Variants in PRKAG2 observed in about 807,000 individuals in gnomAD.
PRKAG2 encodes 5'-AMP-activated protein kinase subunit gamma-2.
Under a neutral mutation model 69.6 loss-of-function variants are expected in PRKAG2, and 26 were observed. The ratio of observed to expected loss-of-function variants is 0.37; its 90% CI spans 0.27 to 0.52. PRKAG2 has a LOEUF of 0.52. Among genes scored for constraint, PRKAG2 ranks in the 20% least tolerant of loss-of-function variants. PRKAG2 has a pLI of 0.90. For synonymous variants in PRKAG2, 293 were observed against 285.0 expected (o/e 1.03, Z -0.28); for missense variants, 557 against 740.0 (o/e 0.75, Z 2.87).
At chr7:151,594,237 C>T (rs1001563982) in intron 6 of PRKAG2, among the ~76,000 whole-genome samples, 1 of 152,248 alleles carries the variant, frequency 6.6e-6, no homozygotes, top group Non-Finnish European at 1.5e-5. Flanking sequence ...TCCCTTCATG[C>T]TTCCTCCTGG....
chr7:151,632,195 G>C lies in PRKAG2; in HGVS notation c.685-57C>G. On this transcript the variant is annotated intron_variant, in intron 4 of 15. Transcript: ENST00000287878. The surrounding 1 kb of genome is among the most constrained non-coding windows in gnomAD (Gnocchi z 4.2). Reference sequence around the variant, plus strand: ...TGAGCTGCGACGCTCGTCCCCGGCCGGCGGGCTCGCGGCCGGCCGAGCGCT... The same window carrying C: ...TGAGCTGCGACGCTCGTCCCCGGCCCGCGGGCTCGCGGCCGGCCGAGCGCT... The C allele has an allele frequency of 8.4e-7, 1 of 1,196,884 alleles. No individual in the cohort carries two copies. Among genetic ancestry groups the C allele is most frequent in the East Asian group, 3.9e-5 (1 of 25,800 alleles). 74.1% of individuals were successfully genotyped at this position (1,196,884 alleles called of 1,614,324 possible).
chr7:151,730,859 G>A (rs1282998854), intron 3 of PRKAG2, among the ~76,000 whole-genome samples: 1 of 152,186 alleles, frequency 6.6e-6, no homozygotes, highest in Non-Finnish European at 1.5e-5. Context: ...GCAAGAAGCC[G>A]TTGCGTAGTC....
rs574364531 is a variant in PRKAG2, at chr7:151,723,696, A to G, written c.467-48059T>C. ...CCCCTGTGATTTCCAACCTACAGGG[A>G]GCTCTTCAAGGGCGCTGGGCTCCCT... On this transcript the variant is annotated intron_variant, in intron 3 of 15. Transcript: ENST00000287878. 5.3e-5 allele frequency among the ~76,000 whole-genome samples: 8 copies of G among 152,244 alleles called. No individual in the cohort carries two copies. In the East Asian group the frequency reaches 1.5e-3, roughly 29 times the overall value.
chr7:151,631,943 G>A (rs1382222492), intron 5 of PRKAG2, 126 bp downstream of exon 5: 3 of 990,496 alleles, frequency 3.0e-6, no homozygotes, highest in East Asian at 1.1e-4. Context: ...CGGCCCCTGG[G>A]CTTCCGCAGG....
chr7:151,688,060 T>C (rs866884422), intron 3 of PRKAG2, among the ~76,000 whole-genome samples: 3 of 100,164 alleles, frequency 3.0e-5, no homozygotes, highest in Admixed American at 1.1e-4. Context: ...CCGGGCTCCT[T>C]GCTGAGTCAG....
intron 1 of PRKAG2, among the ~76,000 whole-genome samples, chr7:151,872,009 G>C (rs762211375): frequency 3.3e-5 from 5 of 152,202 alleles, no homozygotes; most frequent in African/African-American, 4.8e-5. Context: ...AGATGTCCTT[G>C]GCAGTGGCAG....
chr7:151,652,685 G>C (rs185668759), intron 4 of PRKAG2, among the ~76,000 whole-genome samples: 1 of 152,216 alleles, frequency 6.6e-6, no homozygotes, highest in Admixed American at 6.5e-5. Context: ...ACCCAGGCTA[G>C]AGTACAATGG....
chr7:151,855,269 A>C (rs865934672), intron 1 of PRKAG2, among the ~76,000 whole-genome samples: 1 of 45,828 alleles, frequency 2.2e-5, no homozygotes. Context: ...CACACACACC[A>C]CCCTCCACAC....
intron 4 of PRKAG2, among the ~76,000 whole-genome samples, chr7:151,663,712 A>G (rs77823747): frequency 1.7e-3 from 260 of 152,248 alleles, no homozygotes; most frequent in Non-Finnish European, 2.6e-3. Context: ...AGGACAAATA[A>G]CTAATTCCAC....
rs1798486137 is a variant in PRKAG2, at chr7:151,729,115, A to C, written c.466+52037T>G. On this transcript the variant is annotated intron_variant, in intron 3 of 15. Coordinates refer to ENST00000287878, the MANE Select transcript of PRKAG2 (RefSeq NM_016203.4). ...GCTTGGTGACAGTGACGTAGGGAGA[A>C]CAGGCAGATGGGTTATGAGCTTTTC... 1.5e-4 allele frequency among the ~76,000 whole-genome samples: 22 copies of C among 148,616 alleles called. No homozygotes were observed. In the South Asian group the frequency reaches 5.0e-3, roughly 34 times the overall value.
At chr7:151,729,497 TA>T (rs1798576251) in intron 3 of PRKAG2, among the ~76,000 whole-genome samples, 1 of 152,042 alleles carries the variant, frequency 6.6e-6, no homozygotes, top group African/African-American at 2.4e-5. Flanking sequence ...AATAGGCTCT[TA>T]ATAGTGGGCT....
intron 6 of PRKAG2, among the ~76,000 whole-genome samples, chr7:151,591,099 C>T: frequency 6.6e-6 from 1 of 152,210 alleles, no homozygotes. Flanking sequence ...CCTCCTGGAG[C>T]CCCTGAGGAA....
chr7:151,864,091 G>C (rs1168559040), intron 1 of PRKAG2, among the ~76,000 whole-genome samples: 1 of 152,158 alleles, frequency 6.6e-6, no homozygotes, highest in Non-Finnish European at 1.5e-5. Flanking sequence ...ATGGAGTCTG[G>C]AGCCCACAGC....
intron 10 of PRKAG2, 102 bp from the exon 11 acceptor site, chr7:151,568,944 A>T (rs1806899230): frequency 7.5e-7 from 1 of 1,328,462 alleles, no homozygotes; most frequent in South Asian, 1.2e-5. Context: ...TTATTATTGC[A>T]ATAATAACAG....
At chr7:151,794,247 C>G (rs1204113969) in intron 1 of PRKAG2, among the ~76,000 whole-genome samples, 1 of 152,224 alleles carries the variant, frequency 6.6e-6, no homozygotes, top group East Asian at 1.9e-4. Flanking sequence ...TTCCCTAGCT[C>G]CATATCAGCA....
chr7:151,636,311 C>T (rs1267195199), intron 4 of PRKAG2, among the ~76,000 whole-genome samples: 5 of 152,188 alleles, frequency 3.3e-5, no homozygotes, highest in Admixed American at 2.6e-4. Context: ...GCAGTCACGT[C>T]CCATTACCTG....
intron 3 of PRKAG2, among the ~76,000 whole-genome samples, chr7:151,696,402 G>A (rs1192123170): frequency 5.9e-5 from 9 of 152,202 alleles, no homozygotes; most frequent in Non-Finnish European, 1.2e-4. Flanking sequence ...ACCTTGTGGT[G>A]GATGTGGCAA....
At chr7:151,687,812 G>A (rs1038306133) in intron 3 of PRKAG2, among the ~76,000 whole-genome samples, 4 of 152,244 alleles carry the variant, frequency 2.6e-5, no homozygotes, top group African/African-American at 4.8e-5. Context: ...GGAGAAGACC[G>A]TTTGTATGGG....
intron 3 of PRKAG2, among the ~76,000 whole-genome samples, chr7:151,682,869 G>A (rs903431392): frequency 2.6e-4 from 40 of 152,278 alleles, no homozygotes; most frequent in African/African-American, 8.7e-4. Context: ...GCTGGGCCCC[G>A]ATCCTGGAGG....
Sources: gnomAD v4.1 joint callset for allele counts (sites outside exome capture counted in the v4.1 genomes callset) on GRCh38, gnomAD v4.1.1 for gene constraint, Gnocchi (gnomAD v3.1) non-coding constraint, MANE v1.5 for transcripts, NCBI Gene and HGNC (gene_info 2026-07-23, HGNC 2026-07-21) for gene names.